RYR2: variants seen among roughly 807,000 people sequenced by gnomAD.
The protein encoded by RYR2 is ryanodine receptor 2.
RYR2 carries 227 observed loss-of-function variants against 601.1 expected under a neutral mutation model. The observed-to-expected ratio is 0.38, with a 90% confidence interval of 0.34 to 0.42. The LOEUF is 0.42. Among genes scored for constraint, RYR2 ranks in the 10% least tolerant of loss-of-function variants. The probability of loss-of-function intolerance (pLI) is 1.00; values close to 1 mark genes in which losing one functional copy is unlikely to be tolerated. For missense variants in RYR2, 4,646 were observed against 6,156.5 expected (o/e 0.75, Z 8.21); for synonymous variants, 2,223 against 2,175.1 (o/e 1.02, Z -0.61).
intron 98 of RYR2, among the ~76,000 whole-genome samples, chr1:237,803,527 C>G (rs1370051340): frequency 3.9e-5 from 6 of 152,108 alleles, no homozygotes; most frequent in East Asian, 1.9e-4. Flanking sequence ...GTCTCGATCT[C>G]CTGACCTCGT....
chr1:237,108,845 T>C (rs1669084745), intron 1 of RYR2, among the ~76,000 whole-genome samples: 1 of 152,244 alleles, frequency 6.6e-6, no homozygotes, highest in African/African-American at 2.4e-5. Context: ...ACTTTTGGTA[T>C]TTCTGAGCAA....
chr1:237,354,430 G>A (rs1014936669), intron 3 of RYR2, among the ~76,000 whole-genome samples: 2 of 151,874 alleles, frequency 1.3e-5, no homozygotes, highest in African/African-American at 4.8e-5. Context: ...TTTGATAATC[G>A]TTGATAGCAC....
chr1:237,747,543 A>G (rs996323172), intron 80 of RYR2, among the ~76,000 whole-genome samples: 1 of 152,212 alleles, frequency 6.6e-6, no homozygotes, highest in Non-Finnish European at 1.5e-5. Flanking sequence ...TTAATATTAT[A>G]TAGCACTACC....
Position 237,211,223 on chromosome 1 carries a change from T to G in RYR2, c.49-59274T>G, listed in dbSNP as rs538051314. On this transcript the variant is annotated intron_variant, in intron 1 of 104. Coordinates refer to ENST00000366574, the MANE Select transcript of RYR2 (RefSeq NM_001035.3). ...AGTACAAAGCTCACCGTGGCTCTTTTCAAGTACAGCCCCATTCCATGGCAC... is the reference window on the plus strand; with the variant it reads ...AGTACAAAGCTCACCGTGGCTCTTTGCAAGTACAGCCCCATTCCATGGCAC... Among the ~76,000 whole-genome samples, 87 of 152,330 alleles carry G rather than the reference T, an allele frequency of 5.7e-4. 1 individual carries two copies. Among genetic ancestry groups the G allele is most frequent in the African/African-American group, 1.9e-3 (78 of 41,580 alleles).
intron 37 of RYR2, among the ~76,000 whole-genome samples, chr1:237,616,261 T>C (rs575734432): frequency 6.6e-6 from 1 of 152,290 alleles, no homozygotes; most frequent in South Asian, 2.1e-4. Flanking sequence ...TATATCACAA[T>C]TGGTATTGAG....
chr1:237,343,600 A>G (rs1317640807), intron 3 of RYR2, among the ~76,000 whole-genome samples: 1 of 152,154 alleles, frequency 6.6e-6, no homozygotes, highest in Non-Finnish European at 1.5e-5. Context: ...GATTATCTTT[A>G]CACAGTCATG....
At chr1:237,179,246 A>C (rs1359115030) in intron 1 of RYR2, among the ~76,000 whole-genome samples, 2 of 152,160 alleles carry the variant, frequency 1.3e-5, no homozygotes, top group African/African-American at 4.8e-5. Flanking sequence ...ATGAAGAGAC[A>C]TACTCTTAGA....
chr1:237,092,532 CTTTTTTTTT>C (rs1667080786), intron 1 of RYR2, among the ~76,000 whole-genome samples: 2 of 99,090 alleles, frequency 2.0e-5, no homozygotes, highest in Non-Finnish European at 4.3e-5. Flanking sequence ...TTTTTTTTTC[CTTTTTTTTT>C]GAGACAGAGT....
At chr1:237,067,293 C>T (rs940096483) in intron 1 of RYR2, among the ~76,000 whole-genome samples, 6 of 152,026 alleles carry the variant, frequency 3.9e-5, no homozygotes, top group Non-Finnish European at 7.4e-5. Flanking sequence ...TGTTTCTCAT[C>T]GATGATCTGA....
intron 89 of RYR2, among the ~76,000 whole-genome samples, chr1:237,781,894 A>C (rs1695144956): frequency 6.6e-6 from 1 of 152,168 alleles, no homozygotes; most frequent in African/African-American, 2.4e-5. Context: ...TTCATTTCAT[A>C]GTGATATCGT....
At chr1:237,238,391 G>A (rs1685811809) in intron 1 of RYR2, among the ~76,000 whole-genome samples, 1 of 152,176 alleles carries the variant, frequency 6.6e-6, no homozygotes, top group Non-Finnish European at 1.5e-5. Flanking sequence ...TACATGTATT[G>A]ATTGAGGTCC....
At chr1:237,762,927 G>A (rs1456730838) in intron 84 of RYR2, among the ~76,000 whole-genome samples, 1 of 152,098 alleles carries the variant, frequency 6.6e-6, no homozygotes, top group Admixed American at 6.5e-5. Flanking sequence ...TATTAAAAAT[G>A]AACTGTCTTT....
At chr1:237,222,231 G>A (rs1471807419) in intron 1 of RYR2, among the ~76,000 whole-genome samples, 1 of 151,996 alleles carries the variant, frequency 6.6e-6, no homozygotes, top group Non-Finnish European at 1.5e-5. Flanking sequence ...TGGCTAACAC[G>A]GTGAAACCCC....
intron 1 of RYR2, among the ~76,000 whole-genome samples, chr1:237,082,179 A>G (rs1004227639): frequency 6.6e-6 from 1 of 152,092 alleles, no homozygotes; most frequent in African/African-American, 2.4e-5. Context: ...AGCAGCGTTC[A>G]TGTTATATTA....
Position 237,726,300 on chromosome 1 carries a change from TA to T in RYR2, c.10718del (p.Tyr3573SerfsTer28). 6.3e-7 allele frequency: 1 copy of T among 1,589,226 alleles called. No homozygotes were observed. The highest frequency in any genetic ancestry group is 8.6e-7 in the Non-Finnish European group (1 of 1,163,150). Reference sequence around the variant, plus strand: ...GTCTAAACGTGTGGGTCGGAGACATTACTGTCTGGGAAGTACAGTGCTCAAT... The same window carrying T: ...GTCTAAACGTGTGGGTCGGAGACATTCTGTCTGGGAAGTACAGTGCTCAAT... ...QKSKRVGRRH[Y>X]CLVEHPQRSK... On this transcript the variant is annotated frameshift_variant, in exon 75 of 105. Coordinates refer to ENST00000366574, the MANE Select transcript of RYR2 (RefSeq NM_001035.3). LOFTEE classifies it high-confidence loss of function.
At chr1:237,061,211 T>TTCTATCTATCTA (rs55747600) in intron 1 of RYR2, among the ~76,000 whole-genome samples, 5,132 of 103,696 alleles carry the variant, frequency 0.049, 251 homozygotes, top group African/African-American at 0.067. Context: ...AATACGGTTG[T>TTCTATCTATCTA]TCTATCTATC....
intron 24 of RYR2, among the ~76,000 whole-genome samples, chr1:237,519,945 A>G (rs563908801): frequency 3.2e-4 from 48 of 152,186 alleles, no homozygotes; most frequent in African/African-American, 1.1e-3. Flanking sequence ...TGCATCATCT[A>G]TAATTTCTTT....
chr1:237,512,891 T>C (rs1468952785), intron 24 of RYR2, among the ~76,000 whole-genome samples: 3 of 151,948 alleles, frequency 2.0e-5, no homozygotes, highest in African/African-American at 7.3e-5. Context: ...GTAATAAAAA[T>C]AAATTTAAAA....
chr1:237,176,736 GGT>G (rs1344334896), intron 1 of RYR2, among the ~76,000 whole-genome samples: 1 of 152,060 alleles, frequency 6.6e-6, no homozygotes, highest in Non-Finnish European at 1.5e-5. Context: ...TAACATTTCA[GGT>G]GTTAAATTTT....
Sources: gnomAD v4.1 joint callset for allele counts (sites outside exome capture counted in the v4.1 genomes callset) on GRCh38, gnomAD v4.1.1 for gene constraint, MANE v1.5 for transcripts, NCBI Gene and HGNC (gene_info 2026-07-23, HGNC 2026-07-21) for gene names.